Variants in CDIN1 observed in about 807,000 individuals in gnomAD.
CDIN1 encodes CDAN1-interacting nuclease 1.
A neutral mutation model predicts 45.3 loss-of-function variants in CDIN1; 33 were observed. The ratio of observed to expected loss-of-function variants is 0.73; its 90% CI spans 0.55 to 0.97. The LOEUF (loss-of-function observed/expected upper bound fraction) is 0.97, where lower values mean the gene tolerates loss of function less well. CDIN1 is among the 50% of genes least tolerant of loss of function. The probability of loss-of-function intolerance (pLI) is 0.00; values close to 1 mark genes in which losing one functional copy is unlikely to be tolerated. For synonymous variants in CDIN1, 118 were observed against 124.4 expected (o/e 0.95, Z 0.34); for missense variants, 303 against 339.4 (o/e 0.89, Z 0.84).
At chr15:36,637,882 A>T (rs894020539) in intron 1 of CDIN1, among the ~76,000 whole-genome samples, 1 of 152,196 alleles carries the variant, frequency 6.6e-6, no homozygotes, top group Non-Finnish European at 1.5e-5. Flanking sequence ...TAACCTGTAG[A>T]ACCTAAGGGA....
At chr15:36,618,117 A>G (rs1051298880) in intron 1 of CDIN1, 8 of 732,312 alleles carry the variant, frequency 1.1e-5, no homozygotes, top group South Asian at 8.8e-5. Context: ...CGCTTTCCCA[A>G]TGGTAGTTTT....
At chr15:36,694,374 A>G (rs1344402784) in intron 7 of CDIN1, among the ~76,000 whole-genome samples, 1 of 152,200 alleles carries the variant, frequency 6.6e-6, no homozygotes, top group Non-Finnish European at 1.5e-5. Flanking sequence ...TAATATTTAC[A>G]TTGCTTACTC....
At chr15:36,756,930 G>A (rs2053625064) in intron 10 of CDIN1, among the ~76,000 whole-genome samples, 2 of 152,170 alleles carry the variant, frequency 1.3e-5, no homozygotes, top group Admixed American at 1.3e-4. Context: ...TGTCAGGAGG[G>A]GAGAGAAGTC....
rs371951210 is a variant in CDIN1, at chr15:36,788,424, C to T, written c.717-19900C>T. 3.6e-4 allele frequency among the ~76,000 whole-genome samples: 55 copies of T among 152,094 alleles called. No individual in the cohort carries two copies. In the South Asian group the frequency reaches 0.011, roughly 30 times the overall value. ...TAAAAAAACAGATGAGCAGTTTGAACTCAGGCATAATGTTTTAATTTTTTT... is the reference window on the plus strand; with the variant it reads ...TAAAAAAACAGATGAGCAGTTTGAATTCAGGCATAATGTTTTAATTTTTTT... On this transcript the variant is annotated intron_variant, in intron 10 of 10. Transcript: ENST00000566621.
chr15:36,592,514 T>C (rs2037627858), intron 1 of CDIN1, among the ~76,000 whole-genome samples: 2 of 152,186 alleles, frequency 1.3e-5, no homozygotes, highest in African/African-American at 4.8e-5. Flanking sequence ...CCCTTTGTTC[T>C]GATTTTTGTA....
rs1387076576 is a variant in CDIN1 at position 36,809,077 on chromosome 15, G to C, written c.*624G>C. The C allele has an allele frequency of 1.3e-5, 5 of 374,630 alleles. No individual in the cohort carries two copies. Among genetic ancestry groups the C allele is most frequent in the African/African-American group, 1.1e-4 (5 of 47,108 alleles). 23.2% of individuals were successfully genotyped at this position (374,630 alleles called of 1,614,324 possible). On this transcript the variant is annotated 3_prime_UTR_variant, in exon 11 of 11. Transcript: ENST00000566621. The stretch of plus-strand genomic sequence containing the variant: ...CAATCTTTACGGCTTCCTGACTTCT[G>C]TGACAGTAAGCCAAGTGCAAAAATA...
rs570630838 is a variant in CDIN1 at position 36,797,979 on chromosome 15, C to CA, written c.717-10334dup. Among the ~76,000 whole-genome samples the CA allele has an allele frequency of 4.0e-3, 223 of 55,066 alleles. 2 individuals carry two copies. Among genetic ancestry groups the CA allele is most frequent in the Admixed American group, 0.013 (54 of 4,192 alleles). 36.1% of individuals were successfully genotyped at this position (55,066 alleles called of 152,430 possible). On this transcript the variant is annotated intron_variant, in intron 10 of 10. Transcript: ENST00000566621. Reference sequence around the variant, plus strand: ...TGAGTGACAGAGCAAGACTCCATCTCAAAAAAAAAAAGACTTTCCTTCATT... The same window carrying CA: ...TGAGTGACAGAGCAAGACTCCATCTCAAAAAAAAAAAAGACTTTCCTTCATT...
At chr15:36,697,693 CAAAAG>C (rs971944211) in intron 8 of CDIN1, among the ~76,000 whole-genome samples, 3 of 151,918 alleles carry the variant, frequency 2.0e-5, no homozygotes, top group African/African-American at 4.8e-5. Context: ...GAAAAGGAAA[CAAAAG>C]AAATATTGTC....
At chr15:36,780,448 G>A (rs977389104) in intron 10 of CDIN1, among the ~76,000 whole-genome samples, 2 of 152,106 alleles carry the variant, frequency 1.3e-5, no homozygotes, top group Non-Finnish European at 2.9e-5. Context: ...GAATTAACTC[G>A]TATAGATAGA....
intron 10 of CDIN1, among the ~76,000 whole-genome samples, chr15:36,740,853 C>G (rs2044210440): frequency 6.6e-6 from 1 of 151,198 alleles, no homozygotes; most frequent in South Asian, 2.1e-4. Context: ...CGCACCATTG[C>G]TCTCCAGCCT....
intron 8 of CDIN1, among the ~76,000 whole-genome samples, chr15:36,703,209 C>A (rs916496381): frequency 7.6e-5 from 5 of 65,894 alleles, no homozygotes; most frequent in South Asian, 5.0e-4. Flanking sequence ...TAGAGTGAGA[C>A]CCTGTCTCAA....
intron 10 of CDIN1, among the ~76,000 whole-genome samples, chr15:36,788,341 C>T (rs2054560643): frequency 6.6e-6 from 1 of 151,260 alleles, no homozygotes; most frequent in South Asian, 2.1e-4. Context: ...GTCTTGAACT[C>T]CCAAAGTGCT....
intron 1 of CDIN1, among the ~76,000 whole-genome samples, chr15:36,635,167 C>T (rs1300206347): frequency 6.6e-6 from 1 of 152,072 alleles, no homozygotes; most frequent in Admixed American, 6.6e-5. Flanking sequence ...AAAGATCTCC[C>T]CCTGACAGTT....
intron 3 of CDIN1, among the ~76,000 whole-genome samples, chr15:36,651,073 T>A (rs1048632642): frequency 1.2e-3 from 180 of 150,250 alleles, no homozygotes; most frequent in African/African-American, 3.4e-3. Context: ...AAAAAAAAAA[T>A]AAAAAAAAAT....
chr15:36,765,433 C>CA (rs1280006906), intron 10 of CDIN1, among the ~76,000 whole-genome samples: 3 of 152,112 alleles, frequency 2.0e-5, no homozygotes, highest in African/African-American at 7.2e-5. Flanking sequence ...CTTTCACTTG[C>CA]AGCAGAATTT....
chr15:36,621,923 A>T (rs1288081144), intron 1 of CDIN1, among the ~76,000 whole-genome samples: 1 of 147,838 alleles, frequency 6.8e-6, no homozygotes, highest in East Asian at 2.0e-4. Context: ...TTGGTCTAAG[A>T]ATTCATGATA....
chr15:36,620,267 C>T (rs1223377269), intron 1 of CDIN1, among the ~76,000 whole-genome samples: 3 of 152,022 alleles, frequency 2.0e-5, no homozygotes, highest in South Asian at 2.1e-4. Flanking sequence ...AGGAGAATGG[C>T]GTGACACCGG....
chr15:36,626,554 A>G (rs1261733451), intron 1 of CDIN1: 3 of 234,044 alleles, frequency 1.3e-5, no homozygotes, highest in Non-Finnish European at 2.5e-5. Flanking sequence ...TATATTCCTC[A>G]TTAGCCATCC....
At chr15:36,639,194 C>T (rs2040011274) in intron 1 of CDIN1, among the ~76,000 whole-genome samples, 1 of 151,454 alleles carries the variant, frequency 6.6e-6, no homozygotes, top group African/African-American at 2.4e-5. Flanking sequence ...CATATATATA[C>T]AGCTCACCCT....
Sources: allele counts gnomAD v4.1 joint callset (sites outside exome capture counted in the v4.1 genomes callset), GRCh38; gene constraint gnomAD v4.1.1; transcripts MANE v1.5; gene names NCBI Gene and HGNC (gene_info 2026-07-23, HGNC 2026-07-21).